KCNQ3: variants seen among roughly 807,000 people sequenced by gnomAD.
KCNQ3 encodes the protein potassium voltage-gated channel subfamily Q member 3, also known as potassium voltage-gated channel subfamily KQT member 3.
KCNQ3 carries 30 observed loss-of-function variants against 92.5 expected under a neutral mutation model. That is an observed-to-expected ratio of 0.32 (90% CI 0.24 to 0.44). KCNQ3 has a LOEUF of 0.44. Ranked by LOEUF, KCNQ3 falls within the 20% of genes least tolerant of loss-of-function variation. The pLI is 1.00. For synonymous variants in KCNQ3, 450 were observed against 468.8 expected (o/e 0.96, Z 0.52); for missense variants, 913 against 1,140.3 (o/e 0.80, Z 2.87).
At chr8:132,362,914 C>A (rs1819209826) in intron 1 of KCNQ3, among the ~76,000 whole-genome samples, 1 of 152,082 alleles carries the variant, frequency 6.6e-6, no homozygotes, top group Non-Finnish European at 1.5e-5. Context: ...CAGGGAGCAA[C>A]ACAGTGTACA....
chr8:132,228,748 AGCTGACTCTT>A, intron 1 of KCNQ3, among the ~76,000 whole-genome samples: 1 of 150,316 alleles, frequency 6.7e-6, no homozygotes, highest in African/African-American at 2.5e-5. Context: ...GTAGCCCCTC[AGCTGACTCTT>A]GAAAAAAAAA....
At position 132,186,931 on chromosome 8, in the gene KCNQ3, T is replaced by TGA. The variant is rs1420781543; in HGVS notation, c.387-751_387-750insTC. On this transcript the variant is annotated intron_variant, in intron 1 of 14. Transcript: ENST00000388996. ...GCGTGTGTGTGTGTGTGTGTGTGTG[T>TGA]GTGAGAGAGAGAGAGAGAGAGAGAC... 6.7e-3 allele frequency among the ~76,000 whole-genome samples: 737 copies of TGA among 110,252 alleles called. 3 individuals carry two copies. Among genetic ancestry groups the TGA allele is most frequent in the Middle Eastern group, 0.022 (4 of 180 alleles). 72.3% of individuals were successfully genotyped at this position (110,252 alleles called of 152,430 possible). A position where few individuals can be genotyped will look rare whatever the true frequency, so the allele number is the denominator to read the frequency against.
At chr8:132,194,703 A>G (rs1827257275) in intron 1 of KCNQ3, among the ~76,000 whole-genome samples, 1 of 152,206 alleles carries the variant, frequency 6.6e-6, no homozygotes, top group Admixed American at 6.5e-5. Context: ...GTTTTTCTAA[A>G]TCTTCCTCTT....
chr8:132,133,754 G>A (rs963750301), intron 13 of KCNQ3, among the ~76,000 whole-genome samples: 8 of 152,234 alleles, frequency 5.3e-5, no homozygotes, highest in African/African-American at 1.9e-4. Flanking sequence ...ATAAAGAGAT[G>A]TAAATTTAGG....
At chr8:132,448,307 G>T (rs1821732464) in intron 1 of KCNQ3, among the ~76,000 whole-genome samples, 2 of 151,914 alleles carry the variant, frequency 1.3e-5, no homozygotes, top group African/African-American at 4.8e-5. Flanking sequence ...CCCTCACTCA[G>T]GCCTTCTTGA....
intron 1 of KCNQ3, among the ~76,000 whole-genome samples, chr8:132,229,091 T>C (rs534157621): frequency 6.6e-6 from 1 of 152,032 alleles, no homozygotes; most frequent in Non-Finnish European, 1.5e-5. Flanking sequence ...CCGTCTCTAC[T>C]AAAAATACAG....
chr8:132,271,499 C>T (rs1563834459), intron 1 of KCNQ3, among the ~76,000 whole-genome samples: 1 of 152,282 alleles, frequency 6.6e-6, no homozygotes, highest in Non-Finnish European at 1.5e-5. Context: ...GGCTGCCATG[C>T]ATTTCACTTG....
At chr8:132,248,176 T>G (rs1380236340) in intron 1 of KCNQ3, among the ~76,000 whole-genome samples, 1 of 152,032 alleles carries the variant, frequency 6.6e-6, no homozygotes, top group Non-Finnish European at 1.5e-5. Flanking sequence ...ACTTCCTAGC[T>G]CTCTCTTGGG....
chr8:132,401,682 C>T (rs1188767756), intron 1 of KCNQ3, among the ~76,000 whole-genome samples: 1 of 152,086 alleles, frequency 6.6e-6, no homozygotes, highest in Non-Finnish European at 1.5e-5. Context: ...CCAAATAGAA[C>T]ACTTTTAACT....
Position 132,129,823 on chromosome 8 carries a change from G to C in KCNQ3, c.2058C>G (p.Asn686Lys). The change falls in exon 15 of 15, where the codon AAC becomes AAG. Residue 686 changes from asparagine to lysine, a missense_variant. Asn to Lys is a moderately conservative substitution (Grantham distance 94). Around this residue, in one of 6 missense-constraint regions of KCNQ3, gnomAD observed 375 missense variants for 376.4 expected, o/e 1.00. Coordinates refer to ENST00000388996, the MANE Select transcript of KCNQ3 (RefSeq NM_004519.4). The surrounding 1 kb of genome is among the most constrained non-coding windows in gnomAD (Gnocchi z 5.9). The part of the protein sequence containing the change: ...RYSDLKTIIC[N>K]YSETGPPEPP... The stretch of plus-strand genomic sequence containing the variant: ...GTTCCGGGGGGCCTGTCTCAGAATA[G>C]TTGCAGATGATGGTTTTCAAATCGG... 1 of 1,614,194 alleles carries C rather than the reference G, an allele frequency of 6.2e-7. No individual in the cohort carries two copies. Among genetic ancestry groups the C allele is most frequent in the African/African-American group, 1.3e-5 (1 of 75,054 alleles).
intron 1 of KCNQ3, among the ~76,000 whole-genome samples, chr8:132,375,280 C>A (rs552524204): frequency 1.4e-4 from 21 of 152,102 alleles, no homozygotes; most frequent in African/African-American, 4.8e-4. Context: ...GCATAAATAA[C>A]ATATATTTAT....
intron 1 of KCNQ3, among the ~76,000 whole-genome samples, chr8:132,389,883 A>AGATTAATGTACCCTTTACATTAATTTGAG (rs1820003449): frequency 6.6e-6 from 1 of 152,256 alleles, no homozygotes; most frequent in African/African-American, 2.4e-5. Context: ...ATGTATTTGA[A>AGATTAATGTACCCTTTACATTAATTTGAG]GATTAATGTA....
intron 12 of KCNQ3, among the ~76,000 whole-genome samples, chr8:132,136,651 C>T (rs1438606244): frequency 2.6e-5 from 4 of 152,098 alleles, no homozygotes; most frequent in South Asian, 4.1e-4. Flanking sequence ...TTAACATCAT[C>T]ACAAGGTCTA....
At chr8:132,469,142 T>C (rs1223323893) in intron 1 of KCNQ3, among the ~76,000 whole-genome samples, 1 of 152,236 alleles carries the variant, frequency 6.6e-6, no homozygotes, top group Non-Finnish European at 1.5e-5. Flanking sequence ...GGTGATCACC[T>C]TGGGGAAGCT....
chr8:132,447,310 G>C, intron 1 of KCNQ3: 2 of 1,434,206 alleles, frequency 1.4e-6, no homozygotes, highest in South Asian at 1.2e-5. Flanking sequence ...AGAATGGGCA[G>C]ACAAGGGTCA....
At chr8:132,349,928 G>T (rs1424467395) in intron 1 of KCNQ3, among the ~76,000 whole-genome samples, 2 of 152,200 alleles carry the variant, frequency 1.3e-5, no homozygotes, top group African/African-American at 2.4e-5. Flanking sequence ...CACGCTGAAG[G>T]CTACACCACT....
chr8:132,138,071 A>G (rs964619298), intron 11 of KCNQ3, 55 bp from the exon 12 acceptor site: 5 of 1,592,338 alleles, frequency 3.1e-6, no homozygotes, highest in Admixed American at 1.7e-5. Context: ...GCGGGGAGCT[A>G]TAACAGAAGG....
At chr8:132,369,793 CATT>C (rs1287147392) in intron 1 of KCNQ3, among the ~76,000 whole-genome samples, 2 of 152,164 alleles carry the variant, frequency 1.3e-5, no homozygotes, top group East Asian at 3.8e-4. Flanking sequence ...ACACACCTGG[CATT>C]ATAAGCTCCT....
chr8:132,227,846 T>C (rs1388248733), intron 1 of KCNQ3, among the ~76,000 whole-genome samples: 1 of 152,156 alleles, frequency 6.6e-6, no homozygotes, highest in Admixed American at 6.5e-5. Context: ...GAAGAGGTAG[T>C]CTTTCACACA....
Sources: gnomAD v4.1 joint callset for allele counts (sites outside exome capture counted in the v4.1 genomes callset) on GRCh38, gnomAD v4.1.1 for gene constraint, gnomAD v4.1.1 regional missense constraint, Gnocchi (gnomAD v3.1) non-coding constraint, MANE v1.5 for transcripts, NCBI Gene and HGNC (gene_info 2026-07-23, HGNC 2026-07-21) for gene names.